The following SPRED1 variants were observed in gnomAD, a reference collection of about 807,000 sequenced individuals.
SPRED1 encodes the protein sprouty related EVH1 domain containing 1.
SPRED1 carries 18 observed loss-of-function variants against 52.3 expected under a neutral mutation model. That is an observed-to-expected ratio of 0.34 (90% CI 0.24 to 0.51). The LOEUF (loss-of-function observed/expected upper bound fraction) is 0.51, where lower values mean the gene tolerates loss of function less well. Among genes scored for constraint, SPRED1 ranks in the 20% least tolerant of loss-of-function variants. The pLI is 0.97. For synonymous variants in SPRED1, 155 were observed against 179.7 expected (o/e 0.86, Z 1.10); for missense variants, 485 against 551.0 (o/e 0.88, Z 1.20).
chr15:38,311,542 A>G (rs547134562), intron 2 of SPRED1, among the ~76,000 whole-genome samples: 3 of 152,192 alleles, frequency 2.0e-5, no homozygotes, highest in Admixed American at 6.5e-5. Flanking sequence ...CATTGAAACT[A>G]TCTCAATATG....
intron 1 of SPRED1, among the ~76,000 whole-genome samples, chr15:38,279,836 CT>C (rs1894650193): frequency 6.6e-6 from 1 of 152,132 alleles, no homozygotes; most frequent in African/African-American, 2.4e-5. Context: ...ATGACAAACA[CT>C]TATGGGGGAC....
chr15:38,296,166 AGCAGTTGGGTG>A (rs567905898), intron 1 of SPRED1, among the ~76,000 whole-genome samples: 26 of 152,090 alleles, frequency 1.7e-4, no homozygotes, highest in Non-Finnish European at 3.5e-4. Flanking sequence ...CTACTTGTCT[AGCAGTTGGGTG>A]GGGTATATAA....
At chr15:38,327,156 T>G (rs1250765114) in intron 4 of SPRED1, among the ~76,000 whole-genome samples, 1 of 152,150 alleles carries the variant, frequency 6.6e-6, no homozygotes, top group Non-Finnish European at 1.5e-5. Flanking sequence ...CCCAGGAAAT[T>G]TCATCTGTAC....
At position 38,267,895 on chromosome 15, in the gene SPRED1, C is replaced by T. The variant is rs145189205; in HGVS notation, c.32+14678C>T. Among the ~76,000 whole-genome samples, 31 of 152,282 alleles carry T rather than the reference C, an allele frequency of 2.0e-4. No individual in the cohort carries two copies. The East Asian group carries it at 5.0e-3, about 25-fold the overall frequency. ...GACATCAGCAGTGTACATACACGCA[C>T]GTATGCCCATAGGATATACATATGA... On this transcript the variant is annotated intron_variant, in intron 1 of 6. Coordinates refer to ENST00000299084, the MANE Select transcript of SPRED1 (RefSeq NM_152594.3).
intron 1 of SPRED1, among the ~76,000 whole-genome samples, chr15:38,293,484 C>G (rs1179917604): frequency 6.6e-6 from 1 of 152,144 alleles, no homozygotes; most frequent in African/African-American, 2.4e-5. Flanking sequence ...AATATTTGCT[C>G]TAGTTTTTAG....
At chr15:38,316,643 G>T (rs1221834742) in intron 2 of SPRED1, among the ~76,000 whole-genome samples, 1 of 150,854 alleles carries the variant, frequency 6.6e-6, no homozygotes, top group African/African-American at 2.4e-5. Context: ...AACCTGGCCA[G>T]ATCTGTTTGT....
chr15:38,346,319 A>AG (rs1233160716), intron 5 of SPRED1, among the ~76,000 whole-genome samples: 1 of 152,080 alleles, frequency 6.6e-6, no homozygotes, highest in Non-Finnish European at 1.5e-5. Flanking sequence ...GTCTCAAAAA[A>AG]AAAAAAAATC....
intron 1 of SPRED1, among the ~76,000 whole-genome samples, chr15:38,284,580 T>C (rs973987152): frequency 1.3e-5 from 2 of 152,228 alleles, no homozygotes; most frequent in East Asian, 1.9e-4. Context: ...TTTCTGACTT[T>C]AGTGGAAGTT....
chr15:38,257,755 G>GGTTCCACAT (rs561927087), intron 1 of SPRED1, among the ~76,000 whole-genome samples: 206 of 152,268 alleles, frequency 1.4e-3, no homozygotes, highest in Middle Eastern at 3.4e-3. Flanking sequence ...TTTCCCCCAT[G>GGTTCCACAT]GTTCCACATT....
rs58636340 is a variant in SPRED1, at chr15:38,273,520, AATATATAT to A, written c.32+20334_32+20341del. Among the ~76,000 whole-genome samples, 471 of 142,898 alleles carry A rather than the reference AATATATAT, an allele frequency of 3.3e-3. 2 individuals carry two copies. The highest frequency in any genetic ancestry group is 9.9e-3 in the African/African-American group (380 of 38,366). 93.7% of individuals were successfully genotyped at this position (142,898 alleles called of 152,430 possible). ...TTAATTTTTATTTTTATGTATTATT[AATATATAT>A]ATATATATATATATATATATATATA... On this transcript the variant is annotated intron_variant, in intron 1 of 6. Transcript: ENST00000299084.
intron 1 of SPRED1, among the ~76,000 whole-genome samples, chr15:38,288,602 C>G (rs561005388): frequency 3.7e-4 from 56 of 152,090 alleles, no homozygotes; most frequent in African/African-American, 1.4e-3. Context: ...AAGGAAACAG[C>G]GTCTAGAGCC....
At chr15:38,253,961 ATTTCATTAAC>A (rs987291658) in intron 1 of SPRED1, among the ~76,000 whole-genome samples, 1 of 152,146 alleles carries the variant, frequency 6.6e-6, no homozygotes, top group African/African-American at 2.4e-5. Context: ...TATGTTGGTG[ATTTCATTAAC>A]TTTTAGAGCA....
intron 1 of SPRED1, among the ~76,000 whole-genome samples, chr15:38,266,191 A>G (rs1894302778): frequency 1.3e-5 from 2 of 152,232 alleles, no homozygotes; most frequent in African/African-American, 4.8e-5. Flanking sequence ...GGAATGAGTT[A>G]TGTATGAATC....
At chr15:38,321,194 T>TATA (rs1340084677) in intron 2 of SPRED1, among the ~76,000 whole-genome samples, 1 of 152,170 alleles carries the variant, frequency 6.6e-6, no homozygotes, top group Non-Finnish European at 1.5e-5. Context: ...AAATTAAATG[T>TATA]TTATACATGG....
chr15:38,259,791 T>C (rs1169168568), intron 1 of SPRED1, among the ~76,000 whole-genome samples: 1 of 152,238 alleles, frequency 6.6e-6, no homozygotes, highest in Non-Finnish European at 1.5e-5. Flanking sequence ...ATTTTGTTAT[T>C]CTTTAATGTT....
chr15:38,253,112 C>A lies in SPRED1; in HGVS notation c.-74C>A. 1 of 1,401,694 alleles carries A rather than the reference C, an allele frequency of 7.1e-7. No homozygotes were observed. Among genetic ancestry groups the A allele is most frequent in the Non-Finnish European group, 9.9e-7 (1 of 1,011,844 alleles). The allele number at this position is 1,401,694 out of a possible 1,614,324, so 86.8% of individuals were successfully genotyped here. On this transcript the variant is annotated 5_prime_UTR_variant, in exon 1 of 7. The change creates a premature stop within an existing upstream ORF in the 5' untranslated region. Transcript: ENST00000299084. ...CCCCCCCGGCCGCCGCTGCCTCCTGCCCCTCGGTGCTGCTGTTGCTCCCCC... is the reference window on the plus strand; with the variant it reads ...CCCCCCCGGCCGCCGCTGCCTCCTGACCCTCGGTGCTGCTGTTGCTCCCCC...
At chr15:38,335,902 A>G (rs1450681345) in intron 4 of SPRED1, among the ~76,000 whole-genome samples, 1 of 152,128 alleles carries the variant, frequency 6.6e-6, no homozygotes, top group African/African-American at 2.4e-5. Context: ...AAAAATTTAA[A>G]ATATAAAATG....
rs1057517941 is a variant in SPRED1 at position 38,299,386 on chromosome 15, C to T, written c.46C>T (p.Arg16Ter). The change falls in exon 2 of 7, where the codon CGA becomes TGA. Residue 16 changes from arginine (R) to a stop codon, truncating the protein, a stop_gained. Coordinates refer to ENST00000299084, the MANE Select transcript of SPRED1 (RefSeq NM_152594.3). LOFTEE classifies it high-confidence loss of function. The stretch of plus-strand genomic sequence containing the variant: ...CATCTATTTTAGTAATAGTTATGCA[C>T]GAGTGCGAGCTGTGGTGATGACCCG... ...ATSDNDNSYA[R>*]VRAVVMTRDD... 1.9e-6 allele frequency: 3 copies of T among 1,613,704 alleles called. No homozygotes were observed. Among genetic ancestry groups the T allele is most frequent in the African/African-American group, 1.3e-5 (1 of 74,866 alleles).
At position 38,322,274 on chromosome 15, in the gene SPRED1, A is replaced by G; in HGVS notation, c.241A>G (p.Ile81Val). The change falls in exon 3 of 7, where the codon ATT becomes GTT. Residue 81 changes from isoleucine (I) to valine (V), a missense_variant. Physicochemically the swap from Ile to Val is conservative, Grantham distance 29. Coordinates refer to ENST00000299084, the MANE Select transcript of SPRED1 (RefSeq NM_152594.3). ...VLECMLKKDL[I>V]YNKVTPTFHH... The stretch of plus-strand genomic sequence containing the variant: ...GGAATGTATGCTTAAAAAAGACCTC[A>G]TTTATAATAAGGTCACTCCAACATT... 5 of 1,613,860 alleles carry G rather than the reference A, an allele frequency of 3.1e-6. No individual in the cohort carries two copies. Among genetic ancestry groups the G allele is most frequent in the Middle Eastern group, 1.7e-4 (1 of 6,054 alleles).
Sources: gnomAD v4.1 joint callset for allele counts (sites outside exome capture counted in the v4.1 genomes callset) on GRCh38, gnomAD v4.1.1 for gene constraint, MANE v1.5 for transcripts, NCBI Gene and HGNC (gene_info 2026-07-23, HGNC 2026-07-21) for gene names.